KANK1: variants seen among roughly 807,000 people sequenced by gnomAD.
KANK1 encodes the protein KN motif and ankyrin repeat domain-containing protein 1.
In KANK1, 109 loss-of-function variants were observed where a neutral mutation model predicts 106.2. The observed-to-expected ratio is 1.03, with a 90% CI of 0.88 to 1.20. The LOEUF (loss-of-function observed/expected upper bound fraction) is 1.20. Among genes scored for constraint, KANK1 ranks in the 50% most tolerant of loss-of-function variants. The probability of loss-of-function intolerance (pLI) is 0.00; values close to 1 mark genes in which losing one functional copy is unlikely to be tolerated. For synonymous variants in KANK1, 873 were observed against 652.2 expected, an observed-to-expected ratio of 1.34 and a Z score of -5.16; for missense variants, 2,399 against 1,710.7, an observed-to-expected ratio of 1.40 and a Z score of -7.10.
At chr9:522,078 G>T (rs2059580130) in intron 1 of KANK1, among the ~76,000 whole-genome samples, 1 of 151,668 alleles carries the variant, frequency 6.6e-6, no homozygotes, top group Non-Finnish European at 1.5e-5. Context: ...TGTTTGATTT[G>T]TTGAATAATG....
chr9:572,350 A>G (rs1023953692), intron 1 of KANK1, among the ~76,000 whole-genome samples: 2 of 151,820 alleles, frequency 1.3e-5, no homozygotes, highest in African/African-American at 2.4e-5. Flanking sequence ...AGAGATCGAG[A>G]CCATCCTGGC....
intron 1 of KANK1, among the ~76,000 whole-genome samples, chr9:639,900 C>G (rs949258972): frequency 5.3e-5 from 8 of 152,148 alleles, no homozygotes; most frequent in African/African-American, 1.9e-4. Context: ...CAAGCTTCCT[C>G]AAACCCTTTG....
chr9:670,400 C>T (rs1333877528), intron 1 of KANK1, among the ~76,000 whole-genome samples: 1 of 152,158 alleles, frequency 6.6e-6, no homozygotes, highest in Non-Finnish European at 1.5e-5. Context: ...TGTTGAATTT[C>T]TTACACATTT....
intron 1 of KANK1, among the ~76,000 whole-genome samples, chr9:554,100 T>C (rs1563760010): frequency 6.6e-6 from 1 of 152,156 alleles, no homozygotes. Context: ...GGAGATTCAT[T>C]ATAGGAATTG....
intron 8 of KANK1, among the ~76,000 whole-genome samples, chr9:740,458 A>C (rs1835117853): frequency 6.6e-6 from 1 of 152,214 alleles, no homozygotes; most frequent in African/African-American, 2.4e-5. Flanking sequence ...CTGAGTGCCT[A>C]GATTCCAAAA....
At position 607,682 on chromosome 9, in the gene KANK1, C is replaced by T. The variant is rs137974786; in HGVS notation, c.-83-69208C>T. On this transcript the variant is annotated intron_variant, in intron 1 of 11. Transcript: ENST00000382297. ...TTGTTCTCTTCACCCAGCCCAGCAG[C>T]AGAGTGCTAGGAAACTTTGCTGGCA... Among the ~76,000 whole-genome samples the T allele has an allele frequency of 3.6e-3, 540 of 151,704 alleles. 12 individuals carry two copies. Among genetic ancestry groups the T allele is most frequent in the African/African-American group, 0.012 (498 of 41,066 alleles).
At chr9:607,117 T>A (rs1303135551) in intron 1 of KANK1, among the ~76,000 whole-genome samples, 1 of 151,870 alleles carries the variant, frequency 6.6e-6, no homozygotes, top group Non-Finnish European at 1.5e-5. Flanking sequence ...TTCACCTTCC[T>A]CAATTCCTTT....
intron 1 of KANK1, among the ~76,000 whole-genome samples, chr9:662,358 C>T (rs537294635): frequency 7.2e-5 from 11 of 152,196 alleles, no homozygotes; most frequent in South Asian, 6.2e-4. Context: ...AAAAAGAGCC[C>T]GCATTGCCAA....
At chr9:552,785 A>G (rs1280295615) in intron 1 of KANK1, among the ~76,000 whole-genome samples, 2 of 152,204 alleles carry the variant, frequency 1.3e-5, no homozygotes, top group African/African-American at 4.8e-5. Flanking sequence ...GTGGTTAGGT[A>G]TTGCATACAC....
At chr9:714,585 T>G (rs1185001398) in intron 3 of KANK1, among the ~76,000 whole-genome samples, 1 of 152,098 alleles carries the variant, frequency 6.6e-6, no homozygotes, top group African/African-American at 2.4e-5. Context: ...CTTGAACTCC[T>G]GACCTCAGGT....
intron 2 of KANK1, among the ~76,000 whole-genome samples, chr9:708,706 A>G (rs1410843204): frequency 6.6e-6 from 1 of 152,146 alleles, no homozygotes; most frequent in Admixed American, 6.5e-5. Context: ...GCAGACAGCA[A>G]CCAGGTTTGC....
At chr9:475,830 C>A (rs1044333089) in intron 3 of KANK1, among the ~76,000 whole-genome samples, 2 of 152,040 alleles carry the variant, frequency 1.3e-5, no homozygotes, top group Non-Finnish European at 2.9e-5. Context: ...GATTAAGAGT[C>A]TAGCACCTTT....
intron 1 of KANK1, among the ~76,000 whole-genome samples, chr9:614,196 G>C (rs1399256092): frequency 6.6e-6 from 1 of 152,188 alleles, no homozygotes; most frequent in Non-Finnish European, 1.5e-5. Flanking sequence ...CCAGCTGTGA[G>C]ATAATGGTGT....
At chr9:537,538 A>G (rs2060364791) in intron 1 of KANK1, among the ~76,000 whole-genome samples, 1 of 152,158 alleles carries the variant, frequency 6.6e-6, no homozygotes, top group South Asian at 2.1e-4. Flanking sequence ...TTGAGATTAT[A>G]AATCTTGATT....
intron 1 of KANK1, among the ~76,000 whole-genome samples, chr9:559,390 A>C (rs1369664797): frequency 1.6e-5 from 2 of 125,608 alleles, no homozygotes; most frequent in Admixed American, 8.2e-5. Flanking sequence ...TGACTTTTTT[A>C]TTGGAGAGGT....
intron 1 of KANK1, among the ~76,000 whole-genome samples, chr9:645,971 T>C (rs891918331): frequency 6.6e-6 from 1 of 150,976 alleles, no homozygotes; most frequent in Non-Finnish European, 1.5e-5. Flanking sequence ...ATTGAATGCT[T>C]ACCCATTTGA....
In KANK1 at chr9:711,160, C is replaced by A; in HGVS notation, c.394C>A (p.Leu132Ile). ...PPPLETSLPF[L>I]TIPENRQLPP... ...CCCTCTGGAGACCTCACTCCCTTTTCTTACCATCCCAGAAAATCGACAGCT... is the reference window on the plus strand; with the variant it reads ...CCCTCTGGAGACCTCACTCCCTTTTATTACCATCCCAGAAAATCGACAGCT... The change falls in exon 3 of 12, where the codon CTT becomes ATT. Residue 132 changes from leucine to isoleucine, a missense_variant. Leu to Ile is a conservative substitution (Grantham distance 5). Coordinates refer to ENST00000382297, the MANE Select transcript of KANK1 (RefSeq NM_015158.5). The A allele has an allele frequency of 6.2e-7, 1 of 1,614,210 alleles. No homozygotes were observed. Among genetic ancestry groups the A allele is most frequent in the Non-Finnish European group, 8.5e-7 (1 of 1,180,040 alleles).
At chr9:556,995 G>A (rs1432552224) in intron 1 of KANK1, among the ~76,000 whole-genome samples, 2 of 152,006 alleles carry the variant, frequency 1.3e-5, no homozygotes, top group African/African-American at 4.8e-5. Context: ...ATTTTGTTAG[G>A]TTTGTTAATG....
At chr9:550,129 C>G (rs1477923275) in intron 1 of KANK1, among the ~76,000 whole-genome samples, 12 of 152,112 alleles carry the variant, frequency 7.9e-5, no homozygotes. Context: ...CACGAGTTAC[C>G]TGTTTGCAAG....
Sources: allele counts gnomAD v4.1 joint callset (sites outside exome capture counted in the v4.1 genomes callset), GRCh38; gene constraint gnomAD v4.1.1; transcripts MANE v1.5; gene names NCBI Gene and HGNC (gene_info 2026-07-23, HGNC 2026-07-21).